The following PCDHA6 variants were observed in gnomAD, a reference collection of about 807,000 sequenced individuals.
PCDHA6 encodes the protein protocadherin alpha-6.
In PCDHA6, 55 loss-of-function variants were observed where a neutral mutation model predicts 60.3. The ratio of observed to expected loss-of-function variants is 0.91; its 90% confidence interval spans 0.73 to 1.14. PCDHA6 has a LOEUF of 1.14. Ranked by LOEUF, PCDHA6 falls within the 50% of genes most tolerant of loss-of-function variation. PCDHA6 has a pLI of 0.00. For missense variants in PCDHA6, 1,327 were observed against 1,256.5 expected, an observed-to-expected ratio of 1.06 and a Z score of -0.85; for synonymous variants, 652 against 557.9, an observed-to-expected ratio of 1.17 and a Z score of -2.38.
In PCDHA6 at chr5:140,846,348, C is replaced by G. The variant is rs2150387302; in HGVS notation, c.2394+15863C>G. 4.3e-5 allele frequency among the ~76,000 whole-genome samples: 6 copies of G among 138,740 alleles called. 1 individual carries two copies. Among genetic ancestry groups the G allele is most frequent in the Admixed American group, 4.3e-4 (6 of 13,918 alleles). The allele number at this position is 138,740 out of a possible 152,430, so 91.0% of individuals were successfully genotyped here. Reference sequence around the variant, plus strand: ...TAAATAGCCTTTTAAAGTGCTTTCTCTTTTTTCTTTTCTTTTCTTTCTTTC... The same window carrying G: ...TAAATAGCCTTTTAAAGTGCTTTCTGTTTTTTCTTTTCTTTTCTTTCTTTC... On this transcript the variant is annotated intron_variant, in intron 1 of 3. Coordinates refer to ENST00000529310, the MANE Select transcript of PCDHA6 (RefSeq NM_018909.4).
At chr5:140,886,461 A>G (rs1434440381) in intron 1 of PCDHA6, among the ~76,000 whole-genome samples, 2 of 152,116 alleles carry the variant, frequency 1.3e-5, no homozygotes, top group African/African-American at 2.4e-5. Context: ...TCATATATAA[A>G]TGTTTTTAAA....
intron 3 of PCDHA6, 116 bp downstream of exon 3, chr5:140,982,679 C>T: frequency 7.0e-7 from 1 of 1,436,546 alleles, no homozygotes; most frequent in Non-Finnish European, 9.2e-7. Flanking sequence ...TTGTTATTCC[C>T]TTTTTTCCAT....
intron 1 of PCDHA6, among the ~76,000 whole-genome samples, chr5:140,945,549 G>A (rs246058): frequency 0.56 from 85,718 of 151,780 alleles, 24,784 homozygotes; most frequent in African/African-American, 0.69. Context: ...ACAAAAAAAT[G>A]AAGCTGAAGA....
At chr5:140,985,290 A>G (rs1471502675) in intron 3 of PCDHA6, among the ~76,000 whole-genome samples, 1 of 152,108 alleles carries the variant, frequency 6.6e-6, no homozygotes, top group Non-Finnish European at 1.5e-5. Flanking sequence ...TCTATGATAT[A>G]GTGTTGGCTG....
Position 141,011,176 on chromosome 5 carries a change from A to G in PCDHA6, c.*1239A>G, listed in dbSNP as rs1198355681. On this transcript the variant is annotated 3_prime_UTR_variant, in exon 4 of 4. Coordinates refer to ENST00000529310, the MANE Select transcript of PCDHA6 (RefSeq NM_018909.4). The stretch of plus-strand genomic sequence containing the variant: ...ACCAACTATATATCAAGACCCAAAA[A>G]TTGAAGAAAAATATTGTTTTCTCAT... 1 of 153,724 alleles carries G rather than the reference A, an allele frequency of 6.5e-6. No homozygotes were observed. The highest frequency in any genetic ancestry group is 1.5e-5 in the Non-Finnish European group (1 of 68,024). The allele number at this position is 153,724 out of a possible 1,614,324, so 9.5% of individuals were successfully genotyped here.
At chr5:140,875,039 A>G (rs1443862423) in intron 1 of PCDHA6, among the ~76,000 whole-genome samples, 1 of 152,230 alleles carries the variant, frequency 6.6e-6, no homozygotes, top group East Asian at 1.9e-4. Context: ...TATTTGAAAG[A>G]TTTCTACTTT....
intron 1 of PCDHA6, chr5:140,927,791 G>C: frequency 6.2e-7 from 1 of 1,614,196 alleles, no homozygotes; most frequent in Admixed American, 1.7e-5. Context: ...GCTTCACTAG[G>C]TCCGCCTGAA....
intron 1 of PCDHA6, among the ~76,000 whole-genome samples, chr5:140,896,879 G>A (rs1323456222): frequency 6.6e-6 from 1 of 151,976 alleles, no homozygotes; most frequent in Non-Finnish European, 1.5e-5. Context: ...TATTTATGGG[G>A]TATATGAGAC....
intron 1 of PCDHA6, among the ~76,000 whole-genome samples, chr5:140,879,169 T>C (rs2057884518): frequency 6.6e-6 from 1 of 152,156 alleles, no homozygotes; most frequent in Non-Finnish European, 1.5e-5. Flanking sequence ...TTTTAATAAA[T>C]TAGGTATCAA....
chr5:140,988,750 C>G (rs1282256432), intron 3 of PCDHA6, among the ~76,000 whole-genome samples: 1 of 152,074 alleles, frequency 6.6e-6, no homozygotes, highest in Non-Finnish European at 1.5e-5. Context: ...GATTGGTGGC[C>G]TGGGCAGAAT....
intron 1 of PCDHA6, among the ~76,000 whole-genome samples, chr5:140,899,982 A>T (rs185115696): frequency 3.3e-4 from 49 of 150,716 alleles, no homozygotes; most frequent in African/African-American, 1.1e-3. Flanking sequence ...TACTTTTTTG[A>T]TTTTTTTTGT....
chr5:140,927,748 G>A lies in PCDHA6; in HGVS notation c.2395-51201G>A, dbSNP rs782605586. Reference sequence around the variant, plus strand: ...AGCAGAGCTGCGACACCGCTTTCACGTGCACCCTAAAAGTGGGGAGGTGCA... The same window carrying A: ...AGCAGAGCTGCGACACCGCTTTCACATGCACCCTAAAAGTGGGGAGGTGCA... On this transcript the variant is annotated intron_variant, in intron 1 of 3. Transcript: ENST00000529310. 53 of 1,614,088 alleles carry A rather than the reference G, an allele frequency of 3.3e-5. No homozygotes were observed. The South Asian group carries it at 5.7e-4, about 17-fold the overall frequency.
intron 3 of PCDHA6, among the ~76,000 whole-genome samples, chr5:141,001,290 G>A (rs2098005878): frequency 6.6e-6 from 1 of 152,100 alleles, no homozygotes; most frequent in Non-Finnish European, 1.5e-5. Flanking sequence ...GATGAAAACT[G>A]AGGCCCAGAG....
intron 1 of PCDHA6, chr5:140,966,382 G>C (rs1188243032): frequency 5.0e-6 from 2 of 403,766 alleles, no homozygotes; most frequent in Non-Finnish European, 4.3e-6. Flanking sequence ...GTCCGGGTTC[G>C]CTGTCCGCCA....
intron 1 of PCDHA6, chr5:140,841,911 G>T: frequency 1.2e-6 from 2 of 1,613,886 alleles, no homozygotes; most frequent in Non-Finnish European, 1.7e-6. Context: ...CTCGTATTAA[G>T]AAAATCCTTG....
intron 3 of PCDHA6, among the ~76,000 whole-genome samples, chr5:140,990,731 A>G (rs1554251699): frequency 1.3e-5 from 2 of 152,166 alleles, no homozygotes; most frequent in South Asian, 4.1e-4. Flanking sequence ...AGGTATATCA[A>G]CAGCCCTAGG....
chr5:140,842,051 CAGTCTGAATACGAA>C (rs1777673706), intron 1 of PCDHA6: 1 of 1,613,852 alleles, frequency 6.2e-7, no homozygotes, highest in African/African-American at 1.3e-5. Context: ...CACTTTCGAA[CAGTCTGAATACGAA>C]GTAAGAATAT....
At chr5:140,927,478 C>A (rs959432734) in intron 1 of PCDHA6, 1 of 1,614,062 alleles carries the variant, frequency 6.2e-7, no homozygotes, top group Non-Finnish European at 8.5e-7. Context: ...TCGCGAACAG[C>A]GCGCCACCCA....
chr5:140,883,483 C>A, intron 1 of PCDHA6: 1 of 1,614,196 alleles, frequency 6.2e-7, no homozygotes, highest in African/African-American at 1.3e-5. Flanking sequence ...AGAACTACTA[C>A]TCATTAGTGC....
Sources: allele counts gnomAD v4.1 joint callset (sites outside exome capture counted in the v4.1 genomes callset), GRCh38; gene constraint gnomAD v4.1.1; transcripts MANE v1.5; gene names NCBI Gene and HGNC (gene_info 2026-07-23, HGNC 2026-07-21).